Variants in LSM14A observed in about 807,000 individuals in gnomAD.
LSM14A encodes protein LSM14 homolog A.
Under a neutral mutation model 52.4 loss-of-function variants are expected in LSM14A, and 14 were observed. That is an observed-to-expected ratio of 0.27 (90% confidence interval 0.18 to 0.42). LSM14A has a LOEUF of 0.42. LSM14A is among the 10% of genes least tolerant of loss of function. The pLI is 1.00. For missense variants in LSM14A, 417 were observed against 581.8 expected (o/e 0.72, Z 2.91); for synonymous variants, 185 against 200.3 (o/e 0.92, Z 0.64).
At chr19:34,213,660 A>C (rs1167063354) in intron 4 of LSM14A, among the ~76,000 whole-genome samples, 1 of 152,248 alleles carries the variant, frequency 6.6e-6, no homozygotes, top group African/African-American at 2.4e-5. Context: ...AAACATTATC[A>C]GGACAGAAAG....
In LSM14A at chr19:34,181,995, CCTCT is replaced by C. The variant is rs202057829; in HGVS notation, c.121+9239_121+9242del. Among the ~76,000 whole-genome samples, 1,295 of 152,158 alleles carry C rather than the reference CCTCT, an allele frequency of 8.5e-3. 10 individuals are homozygous for C. Among genetic ancestry groups the C allele is most frequent in the South Asian group, 0.021 (101 of 4,812 alleles). On this transcript the variant is annotated intron_variant, in intron 1 of 9. Transcript: ENST00000544216. ...AAACACCTTGGAGCCATCCTTAATT[CCTCT>C]CTCTCTGTCTCACCTCATGTGATCC...
chr19:34,212,811 C>T (rs1475681203), intron 4 of LSM14A, among the ~76,000 whole-genome samples: 2 of 152,162 alleles, frequency 1.3e-5, no homozygotes, highest in East Asian at 1.9e-4. Context: ...TTTTTAAGTA[C>T]ACAACAAATG....
chr19:34,210,006 C>G (rs763949743), intron 4 of LSM14A, among the ~76,000 whole-genome samples: 1 of 152,202 alleles, frequency 6.6e-6, no homozygotes, highest in Non-Finnish European at 1.5e-5. Context: ...CCTTGTGCCA[C>G]CATGCTCGGC....
intron 2 of LSM14A, among the ~76,000 whole-genome samples, chr19:34,195,059 T>C (rs534633969): frequency 7.9e-5 from 12 of 152,234 alleles, no homozygotes; most frequent in African/African-American, 2.9e-4. Flanking sequence ...TATTGAGATA[T>C]GGTTTATATT....
rs774198072 is a variant in LSM14A at position 34,215,643 on chromosome 19, G to T, written c.763G>T (p.Asp255Tyr). The change falls in exon 6 of 10, where the codon GAT becomes TAT. Residue 255 changes from aspartate (D) to tyrosine (Y), a missense_variant. By Grantham distance (160) the Asp-to-Tyr change is radical (BLOSUM62 -3). Coordinates refer to ENST00000544216, the MANE Select transcript of LSM14A (RefSeq NM_015578.4). Reference protein sequence around the residue: ...SRPENEQLRNDNKRQVAPGAP... With the variant: ...SRPENEQLRNYNKRQVAPGAP... Reference sequence around the variant, plus strand: ...GCCAGAAAATGAGCAACTCAGAAATGATAACAAGAGACAAGTAGGTAAGTT... The same window carrying T: ...GCCAGAAAATGAGCAACTCAGAAATTATAACAAGAGACAAGTAGGTAAGTT... The T allele has an allele frequency of 1.2e-6, 2 of 1,612,624 alleles. No homozygotes were observed. The highest frequency in any genetic ancestry group is 1.7e-6 in the Non-Finnish European group (2 of 1,178,772).
Position 34,215,673 on chromosome 19 carries a change from G to T in LSM14A, c.781+12G>T, listed in dbSNP as rs776038413. 2.5e-6 allele frequency: 4 copies of T among 1,576,016 alleles called. No individual in the cohort carries two copies. The highest frequency in any genetic ancestry group is 3.5e-6 in the Non-Finnish European group (4 of 1,146,316). On this transcript the variant is annotated intron_variant, in intron 6 of 9. Coordinates refer to ENST00000544216, the MANE Select transcript of LSM14A (RefSeq NM_015578.4). ...CAAGAGACAAGTAGGTAAGTTCTTG[G>T]ATCTAAAAGTCATATTCTATGCTTC...
chr19:34,215,555 A>C, intron 5 of LSM14A, 41 bp from the exon 6 acceptor site: 1 of 1,505,894 alleles, frequency 6.6e-7, no homozygotes, highest in Non-Finnish European at 9.2e-7. Context: ...TTGATGATGT[A>C]CCCTGAGTTG....
chr19:34,173,048 A>G (rs2068817032), intron 1 of LSM14A, among the ~76,000 whole-genome samples: 2 of 152,240 alleles, frequency 1.3e-5, no homozygotes, highest in African/African-American at 4.8e-5. Flanking sequence ...GAACACGGAG[A>G]AACGCGTCTT....
chr19:34,214,020 C>T (rs756960231), intron 4 of LSM14A, among the ~76,000 whole-genome samples: 27 of 152,126 alleles, frequency 1.8e-4, no homozygotes, highest in Non-Finnish European at 2.6e-4. Context: ...TGAGCTCAAG[C>T]GATCTGCCCA....
intron 3 of LSM14A, among the ~76,000 whole-genome samples, chr19:34,207,204 AT>A (rs768230395): frequency 2.0e-5 from 3 of 152,154 alleles, no homozygotes; most frequent in Non-Finnish European, 2.9e-5. Flanking sequence ...CACGGAAGAG[AT>A]TTGCTCTAAC....
At chr19:34,203,217 G>A (rs1332863137) in intron 3 of LSM14A, among the ~76,000 whole-genome samples, 1 of 152,258 alleles carries the variant, frequency 6.6e-6, no homozygotes, top group Non-Finnish European at 1.5e-5. Flanking sequence ...GAAGAAACAT[G>A]GAGCAATTAG....
chr19:34,173,270 T>C (rs2145428121), intron 1 of LSM14A, among the ~76,000 whole-genome samples: 1 of 152,334 alleles, frequency 6.6e-6, no homozygotes, highest in East Asian at 1.9e-4. Context: ...GACGCAGACA[T>C]TCTCGAAATG....
chr19:34,215,499 T>A, intron 5 of LSM14A, 97 bp from the exon 6 acceptor site: 1 of 1,200,546 alleles, frequency 8.3e-7, no homozygotes, highest in Non-Finnish European at 1.2e-6. Flanking sequence ...AGGCTTTGTT[T>A]TGGGTTTTTT....
chr19:34,189,535 G>A (rs2070193684), intron 1 of LSM14A, among the ~76,000 whole-genome samples: 1 of 151,994 alleles, frequency 6.6e-6, no homozygotes, highest in African/African-American at 2.4e-5. Context: ...ATTACCTATG[G>A]GTATTTACAT....
intron 9 of LSM14A, among the ~76,000 whole-genome samples, chr19:34,222,796 G>A (rs1306656838): frequency 6.6e-6 from 1 of 152,078 alleles, no homozygotes; most frequent in Non-Finnish European, 1.5e-5. Flanking sequence ...ATGTAGTTGC[G>A]GGACTTCTGA....
chr19:34,211,315 A>C (rs1220284808), intron 4 of LSM14A, among the ~76,000 whole-genome samples: 2 of 152,046 alleles, frequency 1.3e-5, no homozygotes, highest in Admixed American at 6.6e-5. Flanking sequence ...AAAAAAATTT[A>C]ATAGTCCTAA....
In LSM14A at chr19:34,227,611, G is replaced by A; in HGVS notation, c.*223G>A. 4.4e-6 allele frequency: 2 copies of A among 453,524 alleles called. No individual in the cohort carries two copies. Among genetic ancestry groups the A allele is most frequent in the African/African-American group, 4.1e-5 (2 of 48,862 alleles). 28.1% of individuals were successfully genotyped at this position (453,524 alleles called of 1,614,324 possible). On this transcript the variant is annotated 3_prime_UTR_variant, in exon 10 of 10. Transcript: ENST00000544216. ...AAAACATGAGCATTAAATATATTTG[G>A]AATAGCAGAAGGTTAAGTAATTTCT... is the stretch of plus-strand genomic sequence containing the variant.
At chr19:34,199,490 C>T (rs1313438596) in intron 3 of LSM14A, among the ~76,000 whole-genome samples, 2 of 152,036 alleles carry the variant, frequency 1.3e-5, no homozygotes, top group Non-Finnish European at 2.9e-5. Context: ...GAATAAAATA[C>T]TTATGTTGGG....
chr19:34,216,593 G>A (rs1317457495), intron 6 of LSM14A, among the ~76,000 whole-genome samples: 2 of 151,918 alleles, frequency 1.3e-5, no homozygotes, highest in Non-Finnish European at 2.9e-5. Context: ...CCTAGTAGCT[G>A]GGATTACAGC....
Sources: allele counts gnomAD v4.1 joint callset (sites outside exome capture counted in the v4.1 genomes callset), GRCh38; gene constraint gnomAD v4.1.1; transcripts MANE v1.5; gene names NCBI Gene and HGNC (gene_info 2026-07-23, HGNC 2026-07-21).